ATP6V0E2: variants seen among roughly 807,000 people sequenced by gnomAD.
The protein encoded by ATP6V0E2 is ATPase H+ transporting V0 subunit e2, also known as V-type proton ATPase subunit e 2.
A neutral mutation model predicts 11.5 loss-of-function variants in ATP6V0E2; 4 were observed. The observed-to-expected ratio is 0.35, with a 90% CI of 0.17 to 0.80. The LOEUF is 0.80. ATP6V0E2 is among the 30% of genes least tolerant of loss of function. ATP6V0E2 has a pLI of 0.53. For synonymous variants in ATP6V0E2, 52 were observed against 51.0 expected, an observed-to-expected ratio of 1.02 and a Z score of -0.09; for missense variants, 93 against 113.5, an observed-to-expected ratio of 0.82 and a Z score of 0.82.
intron 2 of ATP6V0E2, among the ~76,000 whole-genome samples, chr7:149,878,028 G>A (rs1244952467): frequency 6.6e-6 from 1 of 152,142 alleles, no homozygotes; most frequent in Admixed American, 6.5e-5. Flanking sequence ...GTCGTGGGGG[G>A]CCCTTCCAGG....
intron 1 of ATP6V0E2, among the ~76,000 whole-genome samples, chr7:149,875,305 G>T (rs1054070464): frequency 3.9e-5 from 6 of 152,200 alleles, no homozygotes; most frequent in African/African-American, 1.2e-4. Flanking sequence ...TCCACAACAC[G>T]TCTGCATTAA....
At chr7:149,873,698 G>C, upstream of ATP6V0E2, 1 of 556,696 alleles carries the variant, frequency 1.8e-6, no homozygotes, top group Non-Finnish European at 2.9e-6. Context: ...AAGACCGCTG[G>C]GGTGGGACCC....
upstream of ATP6V0E2, chr7:149,873,563 G>C (rs1802946091): frequency 5.0e-6 from 1 of 201,210 alleles, no homozygotes; most frequent in South Asian, 1.8e-4. Context: ...GTCTCTGAAA[G>C]CGAGGCCGTT....
chr7:149,878,114 G>A (rs1425729291), intron 2 of ATP6V0E2, among the ~76,000 whole-genome samples: 1 of 152,198 alleles, frequency 6.6e-6, no homozygotes, highest in Non-Finnish European at 1.5e-5. Flanking sequence ...TGAATGATGG[G>A]GCCAGACAGC....
chr7:149,879,113 C>A, intron 3 of ATP6V0E2: 2 of 1,398,660 alleles, frequency 1.4e-6, no homozygotes, highest in Non-Finnish European at 1.8e-6. Context: ...TGTTGGCCGC[C>A]AGGGATGAAA....
At chr7:149,873,809 C>T (rs1802960297), upstream of ATP6V0E2, 1 of 1,410,476 alleles carries the variant, frequency 7.1e-7, no homozygotes, top group South Asian at 1.5e-5. Context: ...AACCGGGCGG[C>T]CGCGCCCCTA....
intron 2 of ATP6V0E2, among the ~76,000 whole-genome samples, chr7:149,876,821 A>G (rs1473792478): frequency 6.6e-6 from 1 of 152,224 alleles, no homozygotes; most frequent in East Asian, 1.9e-4. Flanking sequence ...AATAATCAAA[A>G]CAGGACAGGT....
At chr7:149,874,585 G>C (rs1803025991) in intron 1 of ATP6V0E2, 1 of 181,844 alleles carries the variant, frequency 5.5e-6, no homozygotes, top group African/African-American at 2.4e-5. Context: ...CTGCGGTAAC[G>C]CATTTAAAAC....
intron 2 of ATP6V0E2, among the ~76,000 whole-genome samples, chr7:149,876,313 T>C (rs1035173243): frequency 6.6e-6 from 1 of 152,076 alleles, no homozygotes; most frequent in African/African-American, 2.4e-5. Context: ...GAGACGGAGG[T>C]TGCGGTGAGC....
chr7:149,878,538 C>A (rs1254301788), intron 2 of ATP6V0E2, 140 bp from the exon 3 acceptor site: 1 of 659,698 alleles, frequency 1.5e-6, no homozygotes, highest in Non-Finnish European at 2.5e-6. Flanking sequence ...GGATGGCTCC[C>A]TGGGCCCTTC....
At position 149,875,481 on chromosome 7, in the gene ATP6V0E2, C is replaced by T; in HGVS notation, c.105-117C>T. 3.1e-6 allele frequency: 3 copies of T among 953,892 alleles called. No individual in the cohort carries two copies. In the South Asian group the frequency reaches 3.9e-5, roughly 12 times the overall value. The allele number at this position is 953,892 out of a possible 1,614,324, so 59.1% of individuals were successfully genotyped here. On this transcript the variant is annotated intron_variant, in intron 1 of 3. Coordinates refer to ENST00000425642, the MANE Select transcript of ATP6V0E2 (RefSeq NM_145230.4). The stretch of plus-strand genomic sequence containing the variant: ...AACTCAGCCTCCTGTGTCCAGGAGG[C>T]ATCAGGAAGGCCAATGGAAAAGAGC...
chr7:149,873,103 T>C (rs1156589958), upstream of ATP6V0E2: 1 of 152,248 alleles, frequency 6.6e-6, no homozygotes. Flanking sequence ...CCGTGGTCTC[T>C]TCCAGCCCTG....
intron 2 of ATP6V0E2, among the ~76,000 whole-genome samples, chr7:149,877,445 T>C (rs1803212708): frequency 6.6e-6 from 1 of 151,866 alleles, no homozygotes; most frequent in South Asian, 2.1e-4. Flanking sequence ...GCCTCCTGAG[T>C]AGCTAGGATT....
rs753336396 is a variant in ATP6V0E2, at chr7:149,879,553, T to G, written c.*238T>G. On this transcript the variant is annotated 3_prime_UTR_variant, in exon 4 of 4. Coordinates refer to ENST00000425642, the MANE Select transcript of ATP6V0E2 (RefSeq NM_145230.4). ...CACAGCAGCGGCCGAGGGGATGTCC[T>G]GCTCCAATACCCGCACTGCTCTGGA... The G allele has an allele frequency of 6.4e-7, 1 of 1,552,572 alleles. No homozygotes were observed. Among genetic ancestry groups the G allele is most frequent in the East Asian group, 2.3e-5 (1 of 43,052 alleles).
Position 149,879,762 on chromosome 7 carries a change from T to A in ATP6V0E2, c.*447T>A. ...GTCAGCAGCTCTGCCACCATCCTGC[T>A]GGGAACTGGGGGGGCCTCTATTGGG... On this transcript the variant is annotated 3_prime_UTR_variant, in exon 4 of 4. Coordinates refer to ENST00000425642, the MANE Select transcript of ATP6V0E2 (RefSeq NM_145230.4). 1 of 1,076,168 alleles carries A rather than the reference T, an allele frequency of 9.3e-7. No individual in the cohort carries two copies. The highest frequency in any genetic ancestry group is 1.2e-6 in the Non-Finnish European group (1 of 817,890). The allele number at this position is 1,076,168 out of a possible 1,614,324, so 66.7% of individuals were successfully genotyped here. A position where few individuals can be genotyped will look rare whatever the true frequency, so the allele number is the denominator to read the frequency against.
intron 2 of ATP6V0E2, chr7:149,875,935 G>A (rs1476437419): frequency 3.2e-6 from 2 of 633,248 alleles, no homozygotes; most frequent in Non-Finnish European, 5.9e-6. Flanking sequence ...TGCTGTCTGT[G>A]CCTGACTGGG....
Position 149,879,429 on chromosome 7 carries a change from C to T in ATP6V0E2, c.*114C>T, listed in dbSNP as rs974179353. Reference sequence around the variant, plus strand: ...ACAACTATGTCTGGTCACCAGCTCCCTCCTGCTGGCACCCAGAGACCCGGA... The same window carrying T: ...ACAACTATGTCTGGTCACCAGCTCCTTCCTGCTGGCACCCAGAGACCCGGA... On this transcript the variant is annotated 3_prime_UTR_variant, in exon 4 of 4. Transcript: ENST00000425642. 1.2e-6 allele frequency: 2 copies of T among 1,605,682 alleles called. No homozygotes were observed. Among genetic ancestry groups the T allele is most frequent in the Non-Finnish European group, 8.5e-7 (1 of 1,176,568 alleles).
intron 1 of ATP6V0E2, 54 bp from the exon 2 acceptor site, chr7:149,875,544 G>A (rs897021368): frequency 1.9e-6 from 3 of 1,586,968 alleles, no homozygotes; most frequent in East Asian, 2.2e-5. Flanking sequence ...TCCTGGCCAG[G>A]CCTTGTGAGG....
chr7:149,873,694 G>A, upstream of ATP6V0E2: 1 of 536,822 alleles, frequency 1.9e-6, no homozygotes, highest in Non-Finnish European at 3.0e-6. Context: ...CCGAAAGACC[G>A]CTGGGGTGGG....
Sources: gnomAD v4.1 joint callset for allele counts (sites outside exome capture counted in the v4.1 genomes callset) on GRCh38, gnomAD v4.1.1 for gene constraint, MANE v1.5 for transcripts, NCBI Gene and HGNC (gene_info 2026-07-23, HGNC 2026-07-21) for gene names.